The following DPP4 variants were observed in gnomAD, a reference collection of about 807,000 sequenced individuals.
DPP4 encodes the protein dipeptidyl peptidase 4.
DPP4 carries 93 observed loss-of-function variants against 122.4 expected under a neutral mutation model. The ratio of observed to expected loss-of-function variants is 0.76; its 90% CI spans 0.64 to 0.90. The LOEUF is 0.90. DPP4 is among the 40% of genes least tolerant of loss of function. The probability of loss-of-function intolerance (pLI) is 0.00; values close to 1 mark genes in which losing one functional copy is unlikely to be tolerated. For synonymous variants in DPP4, 321 were observed against 302.9 expected, an observed-to-expected ratio of 1.06 and a Z score of -0.62; for missense variants, 914 against 907.3, an observed-to-expected ratio of 1.01 and a Z score of -0.09.
At chr2:162,018,974 T>C (rs1447481357) in intron 15 of DPP4, 124 bp from the exon 16 acceptor site, 2 of 1,268,172 alleles carry the variant, frequency 1.6e-6, no homozygotes, top group Non-Finnish European at 2.2e-6. Context: ...GGACTTTTTT[T>C]TTTTTAGCAT....
chr2:162,040,488 T>G (rs1434870776), intron 5 of DPP4, among the ~76,000 whole-genome samples: 1 of 152,094 alleles, frequency 6.6e-6, no homozygotes, highest in African/African-American at 2.4e-5. Context: ...ATTCCAACAA[T>G]ATGAGTTTCT....
At chr2:162,063,581 A>G (rs1366604427) in intron 2 of DPP4, among the ~76,000 whole-genome samples, 1 of 152,010 alleles carries the variant, frequency 6.6e-6, no homozygotes, top group Admixed American at 6.6e-5. Context: ...GTGGAGAAGA[A>G]GGATGACTAA....
In DPP4 at chr2:162,074,022, G is replaced by T. The variant is rs769901680; in HGVS notation, c.-41C>A. On this transcript the variant is annotated 5_prime_UTR_variant, in exon 1 of 26. Coordinates refer to ENST00000360534, the MANE Select transcript of DPP4 (RefSeq NM_001935.4). ...GGAAGTGAGCGTTCAGAGAAGGAGCGCAGGCAGAAGTCACCGCGGGCGGCG... is the reference window on the plus strand; with the variant it reads ...GGAAGTGAGCGTTCAGAGAAGGAGCTCAGGCAGAAGTCACCGCGGGCGGCG... The T allele has an allele frequency of 6.2e-7, 1 of 1,605,278 alleles. No individual in the cohort carries two copies. Among genetic ancestry groups the T allele is most frequent in the South Asian group, 1.1e-5 (1 of 89,396 alleles).
At chr2:162,003,629 G>A (rs574484861) in intron 23 of DPP4, among the ~76,000 whole-genome samples, 18 of 152,226 alleles carry the variant, frequency 1.2e-4, no homozygotes, top group Non-Finnish European at 1.6e-4. Context: ...CTAATGTTTC[G>A]GGAACTTTCA....
At chr2:162,002,751 A>AG (rs1322516885) in intron 23 of DPP4, among the ~76,000 whole-genome samples, 1 of 152,132 alleles carries the variant, frequency 6.6e-6, no homozygotes, top group East Asian at 1.9e-4. Flanking sequence ...TGGGGTCCAG[A>AG]GGGGCAGCTG....
chr2:162,040,160 T>C (rs1683936696), intron 5 of DPP4, among the ~76,000 whole-genome samples: 1 of 152,108 alleles, frequency 6.6e-6, no homozygotes, highest in South Asian at 2.1e-4. Context: ...AAACTTTACA[T>C]AGAGAAAACT....
intron 19 of DPP4, among the ~76,000 whole-genome samples, chr2:162,012,418 G>A (rs1176633279): frequency 6.6e-6 from 1 of 151,972 alleles, no homozygotes; most frequent in Non-Finnish European, 1.5e-5. Context: ...CTTCTTTAAG[G>A]ACTTTGACTT....
intron 23 of DPP4, among the ~76,000 whole-genome samples, chr2:162,004,626 T>A (rs1701236320): frequency 6.6e-6 from 1 of 151,984 alleles, no homozygotes; most frequent in Admixed American, 6.6e-5. Flanking sequence ...TACACCTTAC[T>A]CATTAAGTAA....
In DPP4 at chr2:162,070,755, A is replaced by G. The variant is rs143896013; in HGVS notation, c.94+2644T>C. Among the ~76,000 whole-genome samples the G allele has an allele frequency of 4.1e-3, 621 of 152,342 alleles. 5 individuals are homozygous for G. Among genetic ancestry groups the G allele is most frequent in the African/African-American group, 0.014 (587 of 41,576 alleles). On this transcript the variant is annotated intron_variant, in intron 2 of 25. Transcript: ENST00000360534. ...ATTGCTGATTTAGTGAAAATGCTGC[A>G]TTCCTGAGCTTTTATCTTTATTCCT...
At chr2:162,005,699 C>T (rs1028271915) in intron 23 of DPP4, 46 bp downstream of exon 23, 2 of 1,493,022 alleles carry the variant, frequency 1.3e-6, no homozygotes, top group East Asian at 2.3e-5. Flanking sequence ...GTTCTTAAAC[C>T]ACTTATAAAT....
rs574346391 is a variant in DPP4 at position 161,995,582 on chromosome 2, C to T, written c.2053-210G>A. On this transcript the variant is annotated intron_variant, in intron 23 of 25. Coordinates refer to ENST00000360534, the MANE Select transcript of DPP4 (RefSeq NM_001935.4). ...GAGACAGGACTGGAAGGGAGGATGC[C>T]ACATCTTCCCTGAACATGCAGGAAG... 5.4e-4 allele frequency among the ~76,000 whole-genome samples: 82 copies of T among 152,296 alleles called. 1 individual carries two copies. The highest frequency in any genetic ancestry group is 2.0e-3 in the African/African-American group (82 of 41,558).
chr2:162,054,401 T>C (rs1481750325), intron 2 of DPP4, among the ~76,000 whole-genome samples: 1 of 152,136 alleles, frequency 6.6e-6, no homozygotes, highest in Non-Finnish European at 1.5e-5. Flanking sequence ...CTAGAAAAAG[T>C]TAAGATTTGG....
chr2:162,057,251 G>A (rs1424472287), intron 2 of DPP4, among the ~76,000 whole-genome samples: 2 of 152,182 alleles, frequency 1.3e-5, no homozygotes, highest in Admixed American at 6.5e-5. Flanking sequence ...AGAAGAACCT[G>A]TCAGACTATT....
rs2106101676 is a variant in DPP4 at position 162,020,483 on chromosome 2, T to C, written c.1176+98A>G. On this transcript the variant is annotated intron_variant, in intron 13 of 25. Transcript: ENST00000360534. ...GGAGTTTAAATTAATCTGATTTTTA[T>C]ACACATTGATCCACCTTACCAAATG... 6 of 1,057,656 alleles carry C rather than the reference T, an allele frequency of 5.7e-6. No individual in the cohort carries two copies. In the East Asian group the frequency reaches 1.5e-4, roughly 27 times the overall value. 65.5% of individuals were successfully genotyped at this position (1,057,656 alleles called of 1,614,324 possible).
At position 162,069,775 on chromosome 2, in the gene DPP4, C is replaced by T. The variant is rs112161614; in HGVS notation, c.94+3624G>A. On this transcript the variant is annotated intron_variant, in intron 2 of 25. Coordinates refer to ENST00000360534, the MANE Select transcript of DPP4 (RefSeq NM_001935.4). ...CTTCCTCAGGCAAACCTCATAGATGCTATCTTTTCTCTCTGATTATTCCTG... is the reference window on the plus strand; with the variant it reads ...CTTCCTCAGGCAAACCTCATAGATGTTATCTTTTCTCTCTGATTATTCCTG... Among the ~76,000 whole-genome samples the T allele has an allele frequency of 5.8e-3, 885 of 152,270 alleles. 8 individuals are homozygous for T. Among genetic ancestry groups the T allele is most frequent in the African/African-American group, 0.019 (805 of 41,552 alleles).
At chr2:161,998,024 T>C (rs1701049468) in intron 23 of DPP4, among the ~76,000 whole-genome samples, 7 of 152,196 alleles carry the variant, frequency 4.6e-5, no homozygotes, top group Non-Finnish European at 8.8e-5. Flanking sequence ...ATAATAATAA[T>C]GGGTATCCTT....
chr2:162,063,719 G>C (rs1269905091), intron 2 of DPP4, among the ~76,000 whole-genome samples: 1 of 127,656 alleles, frequency 7.8e-6, no homozygotes, highest in African/African-American at 3.7e-5. Context: ...GGAGGCTTAA[G>C]AGAAAAAAAG....
At position 162,039,066 on chromosome 2, in the gene DPP4, C is replaced by T. The variant is rs776585860; in HGVS notation, c.420-45G>A. 6.2e-6 allele frequency: 10 copies of T among 1,612,012 alleles called. No individual in the cohort carries two copies. The East Asian group carries it at 1.3e-4, about 22-fold the overall frequency. Reference sequence around the variant, plus strand: ...AAATATTATCAAAAAGAATAACTCACATTGGGGTTTCCTTAAAAATATGAC... The same window carrying T: ...AAATATTATCAAAAAGAATAACTCATATTGGGGTTTCCTTAAAAATATGAC... On this transcript the variant is annotated intron_variant, in intron 6 of 25. Coordinates refer to ENST00000360534, the MANE Select transcript of DPP4 (RefSeq NM_001935.4).
chr2:162,003,687 G>A (rs546877729), intron 23 of DPP4, among the ~76,000 whole-genome samples: 1 of 152,296 alleles, frequency 6.6e-6, no homozygotes, highest in Middle Eastern at 3.4e-3. Context: ...AAGTATTCTG[G>A]TTGGGTCGTT....
Sources: allele counts gnomAD v4.1 joint callset (sites outside exome capture counted in the v4.1 genomes callset), GRCh38; gene constraint gnomAD v4.1.1; transcripts MANE v1.5; gene names NCBI Gene and HGNC (gene_info 2026-07-23, HGNC 2026-07-21).